The following BAZ2B variants were observed in gnomAD, a reference collection of about 807,000 sequenced individuals.
BAZ2B encodes the protein bromodomain adjacent to zinc finger domain protein 2B.
In BAZ2B, 91 loss-of-function variants were observed where a neutral mutation model predicts 246.0. The observed-to-expected ratio is 0.37, with a 90% CI of 0.31 to 0.44. The LOEUF is 0.44. BAZ2B is among the 20% of genes least tolerant of loss of function. BAZ2B has a pLI of 1.00. For missense variants in BAZ2B, 2,332 were observed against 2,533.7 expected, an observed-to-expected ratio of 0.92 and a Z score of 1.71; for synonymous variants, 855 against 860.0, an observed-to-expected ratio of 0.99 and a Z score of 0.10.
At chr2:159,657,779 A>G in the BAZ2B span, among the ~76,000 whole-genome samples, 1 of 152,220 alleles carries the variant, frequency 6.6e-6, no homozygotes, top group Non-Finnish European at 1.5e-5. Flanking sequence ...GGAATATAAG[A>G]AAGCAACTGG....
chr2:159,487,358 G>T (rs2079955047), intron 2 of BAZ2B, among the ~76,000 whole-genome samples: 1 of 152,128 alleles, frequency 6.6e-6, no homozygotes, highest in African/African-American at 2.4e-5. Flanking sequence ...TTTGTTTAAA[G>T]AAAAGGTCCC....
intron 1 of BAZ2B, among the ~76,000 whole-genome samples, chr2:159,598,772 C>T (rs1691388771): frequency 6.6e-6 from 1 of 152,052 alleles, no homozygotes; most frequent in Admixed American, 6.6e-5. Context: ...TTGCTTGAAC[C>T]CGGGAGGCAG....
the BAZ2B span, among the ~76,000 whole-genome samples, chr2:159,676,640 T>A: frequency 1.5e-5 from 1 of 67,172 alleles, no homozygotes; most frequent in Non-Finnish European, 3.3e-5. Context: ...CACAGTGGTA[T>A]CTAAATGCAC....
chr2:159,416,548 T>C (rs12470244), intron 13 of BAZ2B, among the ~76,000 whole-genome samples: 59,497 of 152,082 alleles, frequency 0.39, 12,412 homozygotes, highest in Non-Finnish European at 0.49. Context: ...AATCTGCATT[T>C]GGTTTTTAAA....
chr2:159,475,954 C>A (rs1221410033), intron 3 of BAZ2B, among the ~76,000 whole-genome samples: 1 of 152,132 alleles, frequency 6.6e-6, no homozygotes, highest in African/African-American at 2.4e-5. Flanking sequence ...CCAGCCAGAG[C>A]TCTCCTGCTT....
chr2:159,374,434 T>C (rs2061201047), intron 26 of BAZ2B, among the ~76,000 whole-genome samples: 2 of 152,216 alleles, frequency 1.3e-5, no homozygotes, highest in African/African-American at 4.8e-5. Flanking sequence ...CTTTCTAGGC[T>C]CTGATTAAGT....
intron 2 of BAZ2B, among the ~76,000 whole-genome samples, chr2:159,542,343 G>A (rs531497177): frequency 1.6e-4 from 24 of 152,172 alleles, no homozygotes; most frequent in Middle Eastern, 3.4e-3. Flanking sequence ...CAAGCTAAAT[G>A]AACTTCAAGT....
intron 21 of BAZ2B, among the ~76,000 whole-genome samples, chr2:159,388,066 T>C (rs984182921): frequency 6.6e-6 from 1 of 151,990 alleles, no homozygotes; most frequent in Non-Finnish European, 1.5e-5. Context: ...GCAGGGCACA[T>C]GTATACATAT....
chr2:159,360,714 C>T (rs1040032552), intron 27 of BAZ2B, among the ~76,000 whole-genome samples: 15 of 152,164 alleles, frequency 9.9e-5, no homozygotes, highest in African/African-American at 2.9e-4. Flanking sequence ...TACAAGGCTA[C>T]AGTAACTAAA....
At chr2:159,447,019 G>A (rs769111765) in intron 5 of BAZ2B, 44 bp from the exon 6 acceptor site, 7 of 1,357,678 alleles carry the variant, frequency 5.2e-6, no homozygotes, top group African/African-American at 1.5e-5. Context: ...GAATATTATT[G>A]CATCATTTAA....
intron 3 of BAZ2B, among the ~76,000 whole-genome samples, chr2:159,473,028 T>C (rs2078018660): frequency 1.3e-5 from 2 of 152,246 alleles, no homozygotes; most frequent in South Asian, 2.1e-4. Context: ...TTCCCTCTTT[T>C]TCTATTGTTT....
chr2:159,519,466 A>G (rs374326276), intron 2 of BAZ2B, among the ~76,000 whole-genome samples: 1 of 148,106 alleles, frequency 6.8e-6, no homozygotes, highest in Non-Finnish European at 1.5e-5. Context: ...TCCTGACCTC[A>G]TGATCCACCC....
intron 1 of BAZ2B, among the ~76,000 whole-genome samples, chr2:159,575,046 T>C (rs1361327111): frequency 1.3e-5 from 2 of 152,024 alleles, no homozygotes; most frequent in Non-Finnish European, 2.9e-5. Context: ...AGGATGAACT[T>C]GGAAAGCATT....
At chr2:159,705,314 G>A in the BAZ2B span, among the ~76,000 whole-genome samples, 4 of 152,038 alleles carry the variant, frequency 2.6e-5, no homozygotes, top group Non-Finnish European at 5.9e-5. Context: ...GAGCCACCAC[G>A]CCCAGTGTAG....
At chr2:159,648,944 T>C in the BAZ2B span, among the ~76,000 whole-genome samples, 1 of 152,172 alleles carries the variant, frequency 6.6e-6, no homozygotes. Flanking sequence ...CAACAGTGAA[T>C]AAGTACTCCA....
At chr2:159,338,214 T>C (rs897455653) in intron 31 of BAZ2B, among the ~76,000 whole-genome samples, 2 of 152,150 alleles carry the variant, frequency 1.3e-5, no homozygotes, top group African/African-American at 4.8e-5. Flanking sequence ...CTATTACCTT[T>C]ATCTGTATTG....
chr2:159,413,861 C>T (rs988825037), intron 13 of BAZ2B, among the ~76,000 whole-genome samples: 8 of 146,472 alleles, frequency 5.5e-5, no homozygotes, highest in African/African-American at 2.0e-4. Flanking sequence ...TCGGAGGTCG[C>T]TCAAAAAACT....
chr2:159,620,536 T>C (rs1418290627), upstream of BAZ2B, among the ~76,000 whole-genome samples: 4 of 152,162 alleles, frequency 2.6e-5, no homozygotes, highest in African/African-American at 9.7e-5. Context: ...TAATTCTCAC[T>C]GAGAGACTAG....
At chr2:159,349,308 A>C (rs1177785390) in intron 28 of BAZ2B, 28 bp from the exon 29 acceptor site, 2 of 1,558,814 alleles carry the variant, frequency 1.3e-6, no homozygotes, top group African/African-American at 2.7e-5. Context: ...TTATTAATGA[A>C]AAGTAGATTA....
Sources: gnomAD v4.1 joint callset for allele counts (sites outside exome capture counted in the v4.1 genomes callset) on GRCh38, gnomAD v4.1.1 for gene constraint, MANE v1.5 for transcripts, NCBI Gene and HGNC (gene_info 2026-07-23, HGNC 2026-07-21) for gene names.